Variants in LRRTM4 observed in about 807,000 individuals in gnomAD.
The protein encoded by LRRTM4 is leucine-rich repeat transmembrane neuronal protein 4.
Under a neutral mutation model 47.6 loss-of-function variants are expected in LRRTM4, and 25 were observed. That is an observed-to-expected ratio of 0.53 (90% CI 0.38 to 0.73). LRRTM4 has a LOEUF of 0.73. Ranked by LOEUF, LRRTM4 falls within the 30% of genes least tolerant of loss-of-function variation. The pLI is 0.00. For synonymous variants in LRRTM4, 311 were observed against 269.5 expected (o/e 1.15, Z -1.51); for missense variants, 638 against 713.4 (o/e 0.89, Z 1.20).
At chr2:77,429,996 G>A (rs913153637) in intron 3 of LRRTM4, among the ~76,000 whole-genome samples, 1 of 152,128 alleles carries the variant, frequency 6.6e-6, no homozygotes, top group African/African-American at 2.4e-5. Flanking sequence ...GACCCAGGAG[G>A]CGGAGGTTGC....
rs768829102 is a variant in LRRTM4 at position 76,843,564 on chromosome 2, CAAT to C, written c.1552-94651_1552-94649del. Among the ~76,000 whole-genome samples, 15 of 152,212 alleles carry C rather than the reference CAAT, an allele frequency of 9.9e-5. 1 individual carries two copies. Among genetic ancestry groups the C allele is most frequent in the African/African-American group, 3.1e-4 (13 of 41,540 alleles). On this transcript the variant is annotated intron_variant, in intron 3 of 3. Coordinates refer to ENST00000409884, the MANE Select transcript of LRRTM4 (RefSeq NM_001134745.3). The stretch of plus-strand genomic sequence containing the variant: ...ATGATAACTGAATATTTCATAATAA[CAAT>C]AAATTATTTTTGTACATCTGGTAAT...
chr2:77,499,632 A>G (rs1678496496), intron 3 of LRRTM4, among the ~76,000 whole-genome samples: 1 of 151,942 alleles, frequency 6.6e-6, no homozygotes, highest in Non-Finnish European at 1.5e-5. Flanking sequence ...AGAGTCAGTC[A>G]CTCTAACTAG....
chr2:76,916,852 T>A (rs1366776843), intron 3 of LRRTM4, among the ~76,000 whole-genome samples: 1 of 152,214 alleles, frequency 6.6e-6, no homozygotes, highest in African/African-American at 2.4e-5. Flanking sequence ...ATCTAGTTAT[T>A]TCCAGCTAAT....
chr2:76,966,983 A>T (rs1014873829), intron 3 of LRRTM4, among the ~76,000 whole-genome samples: 5 of 151,460 alleles, frequency 3.3e-5, no homozygotes, highest in East Asian at 3.9e-4. Context: ...TAGTATTACT[A>T]TATTTTTAGC....
intron 3 of LRRTM4, among the ~76,000 whole-genome samples, chr2:77,050,943 C>G (rs1442422966): frequency 6.6e-6 from 1 of 151,810 alleles, no homozygotes; most frequent in Non-Finnish European, 1.5e-5. Flanking sequence ...ATGACAATGT[C>G]TTATATTCTC....
rs545826236 is a variant in LRRTM4, at chr2:77,230,850, G to A, written c.1551+287468C>T. On this transcript the variant is annotated intron_variant, in intron 3 of 3. Transcript: ENST00000409884. Reference sequence around the variant, plus strand: ...GAAATAGTTATCACTTTAACAATAAGAAAAAAATAACACAAACTATCATTA... The same window carrying A: ...GAAATAGTTATCACTTTAACAATAAAAAAAAAATAACACAAACTATCATTA... Among the ~76,000 whole-genome samples, 5 of 151,810 alleles carry A rather than the reference G, an allele frequency of 3.3e-5. No individual in the cohort carries two copies. In the East Asian group the frequency reaches 9.7e-4, roughly 29 times the overall value.
chr2:77,349,987 G>T (rs1437945385), intron 3 of LRRTM4, among the ~76,000 whole-genome samples: 1 of 152,046 alleles, frequency 6.6e-6, no homozygotes, highest in Non-Finnish European at 1.5e-5. Context: ...TTTAACTTCA[G>T]GAACTTCAAC....
At chr2:77,178,914 T>C (rs2103852019) in intron 3 of LRRTM4, among the ~76,000 whole-genome samples, 1 of 152,326 alleles carries the variant, frequency 6.6e-6, no homozygotes, top group Admixed American at 6.5e-5. Flanking sequence ...TTCATACCAG[T>C]AGTGTGAACT....
intron 3 of LRRTM4, among the ~76,000 whole-genome samples, chr2:76,808,565 T>C (rs543275982): frequency 1.2e-4 from 19 of 152,242 alleles, no homozygotes; most frequent in African/African-American, 4.3e-4. Flanking sequence ...GATGCAAATA[T>C]ATAATTTATC....
intron 3 of LRRTM4, among the ~76,000 whole-genome samples, chr2:77,112,982 T>C (rs1372658918): frequency 6.6e-6 from 1 of 152,146 alleles, no homozygotes; most frequent in Non-Finnish European, 1.5e-5. Flanking sequence ...CCCCGTCTTG[T>C]AATTTAGCTA....
chr2:76,857,539 C>T (rs1339158472), intron 3 of LRRTM4, among the ~76,000 whole-genome samples: 4 of 151,876 alleles, frequency 2.6e-5, no homozygotes, highest in African/African-American at 4.8e-5. Context: ...AACACTAACC[C>T]CCTCATTGTT....
intron 3 of LRRTM4, among the ~76,000 whole-genome samples, chr2:76,975,706 C>T (rs1676396023): frequency 6.6e-6 from 1 of 151,700 alleles, no homozygotes; most frequent in Admixed American, 6.6e-5. Flanking sequence ...AAAATATTTA[C>T]TATTGGACCA....
chr2:77,083,812 T>G (rs923943266), intron 3 of LRRTM4, among the ~76,000 whole-genome samples: 31 of 122,498 alleles, frequency 2.5e-4, no homozygotes, highest in East Asian at 8.9e-4. Flanking sequence ...TTTTTTTTTT[T>G]TTTTTTTTTT....
intron 3 of LRRTM4, among the ~76,000 whole-genome samples, chr2:77,018,670 C>T (rs115213319): frequency 0.012 from 1,893 of 152,186 alleles, 40 homozygotes; most frequent in African/African-American, 0.043. Flanking sequence ...TTTTGAATTA[C>T]TAATAGTTCA....
chr2:77,093,555 C>G (rs1345126824), intron 3 of LRRTM4, among the ~76,000 whole-genome samples: 2 of 151,838 alleles, frequency 1.3e-5, no homozygotes, highest in African/African-American at 2.4e-5. Flanking sequence ...TGAAGCAGCC[C>G]TGAGAAACAT....
chr2:77,303,305 T>C (rs1263683214), intron 3 of LRRTM4, among the ~76,000 whole-genome samples: 1 of 152,190 alleles, frequency 6.6e-6, no homozygotes, highest in Non-Finnish European at 1.5e-5. Flanking sequence ...CTTTCTTGTT[T>C]TCCAGAATAA....
At chr2:77,465,412 C>G (rs540808151) in intron 3 of LRRTM4, among the ~76,000 whole-genome samples, 3 of 152,208 alleles carry the variant, frequency 2.0e-5, no homozygotes, top group Admixed American at 2.0e-4. Flanking sequence ...CAGCGTTTCC[C>G]CATTGTTGTT....
chr2:77,018,851 G>C lies in LRRTM4; in HGVS notation c.1552-269935C>G, dbSNP rs1395881379. Among the ~76,000 whole-genome samples, 4 of 152,020 alleles carry C rather than the reference G, an allele frequency of 2.6e-5. No individual in the cohort carries two copies. In the East Asian group the frequency reaches 7.7e-4, roughly 29 times the overall value. ...TATTATTCTTCTTTCATGAAAGCAA[G>C]TTCTAATGAACTTTAAGGTACAGGA... On this transcript the variant is annotated intron_variant, in intron 3 of 3. Coordinates refer to ENST00000409884, the MANE Select transcript of LRRTM4 (RefSeq NM_001134745.3).
intron 3 of LRRTM4, among the ~76,000 whole-genome samples, chr2:77,273,233 T>C (rs1676253750): frequency 1.3e-5 from 2 of 152,164 alleles, no homozygotes; most frequent in South Asian, 2.1e-4. Flanking sequence ...ATGTGTTAAA[T>C]AGATAATGCT....
Sources: allele counts gnomAD v4.1 joint callset (sites outside exome capture counted in the v4.1 genomes callset), GRCh38; gene constraint gnomAD v4.1.1; transcripts MANE v1.5; gene names NCBI Gene and HGNC (gene_info 2026-07-23, HGNC 2026-07-21).